Variants in QTMAN observed in about 807,000 individuals in gnomAD.
The protein encoded by QTMAN is tRNA-queuosine alpha-mannosyltransferase.
At chr2:144,027,097 C>T in the QTMAN span, among the ~76,000 whole-genome samples, 1 of 152,174 alleles carries the variant, frequency 6.6e-6, no homozygotes, top group African/African-American at 2.4e-5. Flanking sequence ...TACATAATGT[C>T]CCTGAGCTAT....
chr2:143,966,745 G>A, the QTMAN span, among the ~76,000 whole-genome samples: 1 of 152,184 alleles, frequency 6.6e-6, no homozygotes, highest in Admixed American at 6.5e-5. Flanking sequence ...TACATTTTAG[G>A]AAAAAGATTA....
At chr2:144,188,693 C>G in the QTMAN span, among the ~76,000 whole-genome samples, 1 of 152,092 alleles carries the variant, frequency 6.6e-6, no homozygotes, top group African/African-American at 2.4e-5. Flanking sequence ...GAGACCAAAG[C>G]ATGATCAACT....
chr2:144,186,214 T>C, the QTMAN span, among the ~76,000 whole-genome samples: 123 of 152,308 alleles, frequency 8.1e-4, no homozygotes, highest in African/African-American at 2.8e-3. Flanking sequence ...CCTTAATCCA[T>C]CTATAGGAAG....
the QTMAN span, among the ~76,000 whole-genome samples, chr2:144,032,731 A>C: frequency 6.6e-6 from 1 of 152,218 alleles, no homozygotes; most frequent in Non-Finnish European, 1.5e-5. Context: ...GCAAAAACAC[A>C]ACATTGGATA....
the QTMAN span, among the ~76,000 whole-genome samples, chr2:144,104,157 C>A: frequency 5.3e-5 from 8 of 151,754 alleles, no homozygotes; most frequent in Non-Finnish European, 7.4e-5. Context: ...AGGAATAGGT[C>A]CAGTCTACAG....
the QTMAN span, chr2:143,951,077 G>A: frequency 2.0e-5 from 3 of 151,120 alleles, no homozygotes; most frequent in Admixed American, 6.6e-5. Flanking sequence ...CTACGAACAG[G>A]GAAGGGAGAA....
the QTMAN span, among the ~76,000 whole-genome samples, chr2:144,045,772 C>G: frequency 6.6e-6 from 1 of 152,090 alleles, no homozygotes; most frequent in South Asian, 2.1e-4. Flanking sequence ...ATAGGAAGGA[C>G]TAAGTGTGCA....
the QTMAN span, among the ~76,000 whole-genome samples, chr2:144,240,358 A>G: frequency 6.6e-6 from 1 of 152,174 alleles, no homozygotes; most frequent in Admixed American, 6.5e-5. Flanking sequence ...TGATTTGTAT[A>G]TATTTACCAA....
the QTMAN span, among the ~76,000 whole-genome samples, chr2:144,166,725 A>G: frequency 6.6e-6 from 1 of 152,172 alleles, no homozygotes; most frequent in Non-Finnish European, 1.5e-5. Flanking sequence ...TTCCTGTTCT[A>G]TTTATTCATG....
chr2:143,969,441 T>C, the QTMAN span, among the ~76,000 whole-genome samples: 3 of 152,228 alleles, frequency 2.0e-5, no homozygotes, highest in East Asian at 5.8e-4. Flanking sequence ...GCTCCATCAT[T>C]GTGTCAAGCA....
At chr2:144,160,190 A>C in the QTMAN span, among the ~76,000 whole-genome samples, 44 of 152,210 alleles carry the variant, frequency 2.9e-4, no homozygotes, top group Middle Eastern at 0.01. Context: ...TGCCATCATA[A>C]AAATATAAAA....
At chr2:144,089,394 CA>C in the QTMAN span, among the ~76,000 whole-genome samples, 1 of 151,858 alleles carries the variant, frequency 6.6e-6, no homozygotes, top group Non-Finnish European at 1.5e-5. Context: ...GGAGATTTCT[CA>C]AAAAACTAAA....
At chr2:144,254,576 G>A in the QTMAN span, among the ~76,000 whole-genome samples, 2 of 152,224 alleles carry the variant, frequency 1.3e-5, no homozygotes, top group Non-Finnish European at 2.9e-5. Context: ...CAGTGGGGAA[G>A]AGAAATATGG....
chr2:144,018,678 AGTGAAAACACTGAGTGAAAAAG>A, the QTMAN span, among the ~76,000 whole-genome samples: 1,152 of 152,292 alleles, frequency 7.6e-3, 14 homozygotes, highest in African/African-American at 0.026. Context: ...GCAAATACTC[AGTGAAAACACTGAGTGAAAAAG>A]GTTCAGAGAA....
chr2:144,190,961 C>G, the QTMAN span, among the ~76,000 whole-genome samples: 6 of 152,214 alleles, frequency 3.9e-5, no homozygotes, highest in African/African-American at 1.4e-4. Flanking sequence ...ACATCAAAAT[C>G]CTTACATTTC....
chr2:144,202,587 T>C, the QTMAN span, among the ~76,000 whole-genome samples: 4 of 152,202 alleles, frequency 2.6e-5, no homozygotes, highest in South Asian at 6.2e-4. Flanking sequence ...AGAGGTCTTT[T>C]ATATAGCATA....
At chr2:144,006,225 T>C in the QTMAN span, 1 of 152,144 alleles carries the variant, frequency 6.6e-6, no homozygotes, top group Non-Finnish European at 1.5e-5. Context: ...CGTTCATACA[T>C]TTAGAATTAA....
the QTMAN span, among the ~76,000 whole-genome samples, chr2:144,133,283 A>ATT: frequency 1.7e-5 from 1 of 60,134 alleles, no homozygotes. Context: ...ATTTATATAT[A>ATT]CATATATAAA....
chr2:144,047,057 G>C, the QTMAN span, among the ~76,000 whole-genome samples: 1 of 152,164 alleles, frequency 6.6e-6, no homozygotes, highest in African/African-American at 2.4e-5. Context: ...CTTCACCTGA[G>C]GTTGGGAGTT....
Sources: allele counts gnomAD v4.1 joint callset (sites outside exome capture counted in the v4.1 genomes callset), GRCh38; gene constraint gnomAD v4.1.1; transcripts MANE v1.5; gene names NCBI Gene and HGNC (gene_info 2026-07-23, HGNC 2026-07-21).